CALU: variants seen among roughly 807,000 people sequenced by gnomAD.
The protein encoded by CALU is calumenin, also known as IEF SSP 9302.
Under a neutral mutation model 37.5 loss-of-function variants are expected in CALU, and 13 were observed. The observed-to-expected ratio is 0.35, with a 90% CI of 0.23 to 0.55. The LOEUF (loss-of-function observed/expected upper bound fraction) is 0.55. Among genes scored for constraint, CALU ranks in the 20% least tolerant of loss-of-function variants. CALU has a pLI of 0.89. For missense variants in CALU, 282 were observed against 391.7 expected (o/e 0.72, Z 2.36); for synonymous variants, 114 against 133.8 (o/e 0.85, Z 1.02).
intron 3 of CALU, 196 bp downstream of exon 3, chr7:128,754,651 A>G (rs1381057456): frequency 1.9e-6 from 3 of 1,552,270 alleles, no homozygotes; most frequent in African/African-American, 2.7e-5. Context: ...CAATGGCAGG[A>G]GTTTGATATG....
Position 128,772,550 on chromosome 7 carries a change from C to A in CALU, c.*3383C>A, listed in dbSNP as rs2128885271. 5.0e-6 allele frequency: 8 copies of A among 1,614,144 alleles called. No homozygotes were observed. The African/African-American group carries it at 5.3e-5, about 11-fold the overall frequency. ...GCCAATATTGGGTCCTCAGTTGGGG[C>A]CAACTTGGGTAGACGAGACAGTAGA... On this transcript the variant is annotated 3_prime_UTR_variant, in exon 7 of 7. Transcript: ENST00000249364.
intron 1 of CALU, among the ~76,000 whole-genome samples, chr7:128,741,434 T>A (rs1800235467): frequency 6.6e-6 from 1 of 152,348 alleles, no homozygotes; most frequent in African/African-American, 2.4e-5. Flanking sequence ...TAGAATGATA[T>A]GTAGACATTC....
chr7:128,742,543 G>C (rs1381400931), intron 1 of CALU, among the ~76,000 whole-genome samples: 1 of 152,150 alleles, frequency 6.6e-6, no homozygotes, highest in Admixed American at 6.5e-5. Context: ...TAAGTATTCT[G>C]TGACCAATGG....
chr7:128,764,185 T>C (rs561810946), intron 5 of CALU, among the ~76,000 whole-genome samples: 1 of 152,182 alleles, frequency 6.6e-6, no homozygotes, highest in South Asian at 2.1e-4. Context: ...CCCAGAACTT[T>C]GGGAGGCTGA....
chr7:128,764,860 A>T (rs1801267967), intron 5 of CALU, among the ~76,000 whole-genome samples: 1 of 152,064 alleles, frequency 6.6e-6, no homozygotes, highest in Non-Finnish European at 1.5e-5. Context: ...ATATTGTCTT[A>T]AAAAAATAAA....
intron 3 of CALU, 185 bp downstream of exon 3, chr7:128,754,640 C>A (rs1800800488): frequency 6.4e-7 from 1 of 1,552,140 alleles, no homozygotes; most frequent in Non-Finnish European, 8.7e-7. Context: ...ATGTTGAAAA[C>A]CAATGGCAGG....
chr7:128,755,137 T>A, intron 3 of CALU, among the ~76,000 whole-genome samples: 1 of 132,264 alleles, frequency 7.6e-6, no homozygotes. Flanking sequence ...ACACCCTGTC[T>A]CTACCAAAAA....
intron 3 of CALU, among the ~76,000 whole-genome samples, chr7:128,755,163 A>T (rs1800825739): frequency 6.6e-6 from 1 of 150,990 alleles, no homozygotes; most frequent in African/African-American, 2.4e-5. Context: ...AAAAAAATTT[A>T]AATTAGCCAA....
intron 2 of CALU, 65 bp downstream of exon 2, chr7:128,748,869 T>G (rs1164868218): frequency 3.6e-6 from 4 of 1,116,772 alleles, no homozygotes; most frequent in Non-Finnish European, 2.7e-6. Flanking sequence ...CTAATTCTTT[T>G]CTTTTCTGGC....
rs1801556433 is a variant in CALU at position 128,771,365 on chromosome 7, G to A, written c.*2198G>A. The A allele has an allele frequency of 6.6e-6, 1 of 152,600 alleles. No homozygotes were observed. Among genetic ancestry groups the A allele is most frequent in the Non-Finnish European group, 1.5e-5 (1 of 68,032 alleles). 9.5% of individuals were successfully genotyped at this position (152,600 alleles called of 1,614,324 possible). On this transcript the variant is annotated 3_prime_UTR_variant, in exon 7 of 7. Transcript: ENST00000249364. ...CATATTGTGTGTTCTGTGAATGCTA[G>A]CTCTCTTGAATTTGGATATTGGTTA...
At chr7:128,747,812 A>C (rs1010915676) in intron 1 of CALU, 1 of 152,290 alleles carries the variant, frequency 6.6e-6, no homozygotes, top group Non-Finnish European at 1.5e-5. Flanking sequence ...GACTACAGAG[A>C]TTCTGAAAGT....
At chr7:128,757,911 G>GTT (rs35878534) in intron 3 of CALU, among the ~76,000 whole-genome samples, 62 of 147,508 alleles carry the variant, frequency 4.2e-4, no homozygotes, top group Middle Eastern at 3.5e-3. Context: ...TAATCTAAGG[G>GTT]TTTTTTTTTT....
chr7:128,748,892 A>G (rs1478047142), intron 2 of CALU, 88 bp downstream of exon 2: 1 of 845,794 alleles, frequency 1.2e-6, no homozygotes, highest in Non-Finnish European at 1.9e-6. Context: ...AGTTATGAGT[A>G]AAGTTATATT....
chr7:128,750,444 G>C (rs1268446931), intron 2 of CALU, among the ~76,000 whole-genome samples: 1 of 152,158 alleles, frequency 6.6e-6, no homozygotes. Context: ...AGAAAGCTCT[G>C]CTGGCACTTT....
chr7:128,744,496 C>T (rs1267332396), intron 1 of CALU, among the ~76,000 whole-genome samples: 1 of 151,596 alleles, frequency 6.6e-6, no homozygotes, highest in East Asian at 1.9e-4. Context: ...GCACAAAGGA[C>T]GTTTTGTTTT....
chr7:128,761,048 A>C (rs547402966), intron 5 of CALU, among the ~76,000 whole-genome samples: 1 of 152,268 alleles, frequency 6.6e-6, no homozygotes, highest in South Asian at 2.1e-4. Flanking sequence ...ATTCCTTTTT[A>C]CTGTGTTCTG....
chr7:128,742,783 G>C (rs1236029803), intron 1 of CALU, among the ~76,000 whole-genome samples: 2 of 152,126 alleles, frequency 1.3e-5, no homozygotes, highest in Non-Finnish European at 2.9e-5. Context: ...AACCCAGTTA[G>C]GCTTTTCTCT....
chr7:128,748,378 C>T, intron 1 of CALU, 195 bp from the exon 2 acceptor site: 1 of 1,494,824 alleles, frequency 6.7e-7, no homozygotes. Flanking sequence ...GTAAAAATTT[C>T]TCACTGTAAT....
At chr7:128,748,445 A>T (rs41274149) in intron 1 of CALU, 128 bp from the exon 2 acceptor site, 1,315 of 1,219,722 alleles carry the variant, frequency 1.1e-3, no homozygotes, top group Non-Finnish European at 1.3e-3. Context: ...AATATTTGGG[A>T]TAATATAAAA....
Sources: allele counts gnomAD v4.1 joint callset (sites outside exome capture counted in the v4.1 genomes callset), GRCh38; gene constraint gnomAD v4.1.1; transcripts MANE v1.5; gene names NCBI Gene and HGNC (gene_info 2026-07-23, HGNC 2026-07-21).